The following GRID2 variants were observed in gnomAD, a reference collection of about 807,000 sequenced individuals.
GRID2 encodes the protein glutamate ionotropic receptor delta type subunit 2, also known as glutamate receptor ionotropic, delta-2.
A neutral mutation model predicts 114.8 loss-of-function variants in GRID2; 33 were observed. The ratio of observed to expected loss-of-function variants is 0.29; its 90% confidence interval spans 0.22 to 0.38. The LOEUF (loss-of-function observed/expected upper bound fraction) is 0.38, where lower values mean the gene tolerates loss of function less well. GRID2 is among the 10% of genes least tolerant of loss of function. The pLI is 1.00. For synonymous variants in GRID2, 505 were observed against 449.9 expected (o/e 1.12, Z -1.55); for missense variants, 1,184 against 1,257.7 (o/e 0.94, Z 0.89).
chr4:92,925,036 T>C (rs1001974949), intron 2 of GRID2, among the ~76,000 whole-genome samples: 11 of 152,084 alleles, frequency 7.2e-5, no homozygotes, highest in Non-Finnish European at 1.3e-4. Context: ...TTTTAACATA[T>C]GAATTAATCT....
chr4:92,352,787 G>A (rs368627951), intron 1 of GRID2, among the ~76,000 whole-genome samples: 9,973 of 151,916 alleles, frequency 0.066, 394 homozygotes, highest in Middle Eastern at 0.14. Flanking sequence ...TGAGTAGCAG[G>A]TGTTCTTTGT....
chr4:93,555,276 A>G (rs1364758426), intron 13 of GRID2, among the ~76,000 whole-genome samples: 1 of 152,042 alleles, frequency 6.6e-6, no homozygotes, highest in Non-Finnish European at 1.5e-5. Flanking sequence ...CATCCCCTGG[A>G]AAGGGGGCTG....
chr4:93,049,831 C>T (rs188944125), intron 2 of GRID2, among the ~76,000 whole-genome samples: 1 of 152,058 alleles, frequency 6.6e-6, no homozygotes, highest in African/African-American at 2.4e-5. Context: ...ATGCTACAGT[C>T]TTACTCAATA....
chr4:93,471,698 A>ATTTTTTTTTTTTTTTTTTT lies in GRID2; in HGVS notation c.1858+15741_1858+15742insTTTTTTTTTTTTTTTTTTT, dbSNP rs897411033. Among the ~76,000 whole-genome samples, 148 of 60,954 alleles carry ATTTTTTTTTTTTTTTTTTT rather than the reference A, an allele frequency of 2.4e-3. 22 individuals carry two copies. Among genetic ancestry groups the ATTTTTTTTTTTTTTTTTTT allele is most frequent in the Middle Eastern group, 0.014 (1 of 72 alleles). The allele number at this position is 60,954 out of a possible 152,430, so 40.0% of individuals were successfully genotyped here. A position where few individuals can be genotyped will look rare whatever the true frequency, so the allele number is the denominator to read the frequency against. On this transcript the variant is annotated intron_variant, in intron 11 of 15. Transcript: ENST00000282020. ...ATTGTTATTTCTTCTCCTGAATTCA[A>ATTTTTTTTTTTTTTTTTTT]TTTTTTTTTTTTTTTTTGGAGACGG... is the stretch of plus-strand genomic sequence containing the variant.
intron 1 of GRID2, among the ~76,000 whole-genome samples, chr4:92,534,792 A>C (rs1031164466): frequency 2.0e-5 from 3 of 152,148 alleles, no homozygotes; most frequent in African/African-American, 4.8e-5. Flanking sequence ...CATTATTTTA[A>C]TATTTTCCCA....
intron 2 of GRID2, among the ~76,000 whole-genome samples, chr4:92,949,886 G>A (rs1216404637): frequency 6.6e-6 from 1 of 152,004 alleles, no homozygotes; most frequent in Admixed American, 6.6e-5. Context: ...AATGAGATCA[G>A]CCAGCTACAG....
intron 2 of GRID2, among the ~76,000 whole-genome samples, chr4:92,987,407 TC>T (rs2149197617): frequency 6.6e-6 from 1 of 152,162 alleles, no homozygotes; most frequent in Admixed American, 6.6e-5. Context: ...ACAGTGAGGT[TC>T]CTTTGTTTCA....
At chr4:92,978,601 A>G (rs1241617106) in intron 2 of GRID2, among the ~76,000 whole-genome samples, 1 of 152,194 alleles carries the variant, frequency 6.6e-6, no homozygotes, top group African/African-American at 2.4e-5. Flanking sequence ...TTTCCCTAGC[A>G]GGTATAAAAC....
intron 2 of GRID2, among the ~76,000 whole-genome samples, chr4:92,787,710 G>T (rs1739384255): frequency 2.0e-5 from 3 of 151,920 alleles, no homozygotes; most frequent in Admixed American, 2.0e-4. Context: ...CATTCTAGAA[G>T]AGTCCTTCTG....
intron 14 of GRID2, among the ~76,000 whole-genome samples, chr4:93,703,619 A>G (rs771036186): frequency 1.3e-5 from 2 of 149,016 alleles, no homozygotes; most frequent in African/African-American, 2.5e-5. Flanking sequence ...AACATTAGGT[A>G]TATCTCCTAA....
intron 2 of GRID2, among the ~76,000 whole-genome samples, chr4:92,780,996 C>G (rs1024052639): frequency 6.6e-6 from 1 of 152,026 alleles, no homozygotes; most frequent in Non-Finnish European, 1.5e-5. Context: ...TGGGTAATCC[C>G]AGCACTTTGG....
chr4:92,884,613 T>C, intron 2 of GRID2: 1 of 158,404 alleles, frequency 6.3e-6, no homozygotes, highest in Non-Finnish European at 1.4e-5. Flanking sequence ...CGGCAGGACT[T>C]TTCACTGGCC....
intron 9 of GRID2, among the ~76,000 whole-genome samples, chr4:93,409,022 T>C (rs1579986155): frequency 6.6e-6 from 1 of 151,894 alleles, no homozygotes; most frequent in Non-Finnish European, 1.5e-5. Context: ...GGGTATAGAG[T>C]AGGGGTAGCA....
At chr4:93,512,492 C>A (rs1188070144) in intron 12 of GRID2, among the ~76,000 whole-genome samples, 1 of 152,032 alleles carries the variant, frequency 6.6e-6, no homozygotes, top group African/African-American at 2.4e-5. Flanking sequence ...TTGCTTCAGT[C>A]GTTTTATTTT....
In GRID2 at chr4:93,110,915, G is replaced by A. The variant is rs540564876; in HGVS notation, c.697G>A (p.Val233Ile). The A allele has an allele frequency of 1.1e-5, 18 of 1,612,932 alleles. No individual in the cohort carries two copies. The highest frequency in any genetic ancestry group is 1.4e-5 in the Non-Finnish European group (16 of 1,178,944). ...AGACACTCTTAGGCGAGCGATCCTT[G>A]TTATGAATCCTGCTACAGCCAAATC... ...YRDTLRRAIL[V>I]MNPATAKSFI... The change falls in exon 4 of 16, where the codon GTT (valine) becomes ATT (isoleucine). Residue 233 changes from valine (V) to isoleucine (I), a missense_variant. Physicochemically the swap from Val to Ile is conservative, Grantham distance 29. This residue lies in a region of GRID2 where 455 missense variants were observed against 429.5 expected (regional missense o/e 1.06). Coordinates refer to ENST00000282020, the MANE Select transcript of GRID2 (RefSeq NM_001510.4).
chr4:92,636,397 G>C (rs1232802352), intron 2 of GRID2, among the ~76,000 whole-genome samples: 3 of 151,934 alleles, frequency 2.0e-5, no homozygotes, highest in Admixed American at 6.6e-5. Flanking sequence ...AAAATTCTCA[G>C]ATATTTTATT....
chr4:92,602,084 C>T (rs1729240902), intron 2 of GRID2, among the ~76,000 whole-genome samples: 1 of 151,338 alleles, frequency 6.6e-6, no homozygotes, highest in Non-Finnish European at 1.5e-5. Context: ...ACCAGAGGTA[C>T]AAAGAGGAGC....
At chr4:93,302,829 A>T (rs964433364) in intron 8 of GRID2, among the ~76,000 whole-genome samples, 1 of 152,214 alleles carries the variant, frequency 6.6e-6, no homozygotes, top group African/African-American at 2.4e-5. Context: ...TTCTACATGA[A>T]TATTTCCATG....
intron 1 of GRID2, among the ~76,000 whole-genome samples, chr4:92,494,926 T>A (rs953221503): frequency 2.6e-5 from 4 of 152,012 alleles, no homozygotes; most frequent in Admixed American, 1.3e-4. Flanking sequence ...TAGATAAAAA[T>A]TATGCAGTGA....
Sources: allele counts gnomAD v4.1 joint callset (sites outside exome capture counted in the v4.1 genomes callset), GRCh38; gene constraint gnomAD v4.1.1; regional missense constraint gnomAD v4.1.1; transcripts MANE v1.5; gene names NCBI Gene and HGNC (gene_info 2026-07-23, HGNC 2026-07-21).